Variants in NIPBL observed in about 807,000 individuals in gnomAD.
NIPBL encodes the protein nipped-B-like protein.
Under a neutral mutation model 321.8 loss-of-function variants are expected in NIPBL, and 19 were observed. That is an observed-to-expected ratio of 0.06 (90% CI 0.04 to 0.09). The LOEUF (loss-of-function observed/expected upper bound fraction) is 0.09. NIPBL is among the 10% of genes least tolerant of loss of function. The pLI, the probability that NIPBL is intolerant of heterozygous loss-of-function variation, is 1.00. For synonymous variants in NIPBL, 1,106 were observed against 1,114.1 expected, an observed-to-expected ratio of 0.99 and a Z score of 0.14; for missense variants, 2,210 against 3,327.0, an observed-to-expected ratio of 0.66 and a Z score of 8.26.
Position 36,975,833 on chromosome 5 carries a change from A to T in NIPBL, c.926A>T (p.Asp309Val). ...SQSLPCSSPR[D>V]VPPDILLDSP... ...TCTCTACCTTGTTCATCACCTCGAG[A>T]TGTTCCACCAGATATCTTGCTAGAT... The change falls in exon 9 of 47, where the codon GAT (aspartate) becomes GTT (valine). Residue 309 changes from aspartate (D) to valine (V), a missense_variant. By Grantham distance (152) the Asp-to-Val change is radical. Around this residue, in one of 14 missense-constraint regions of NIPBL, gnomAD observed 464 missense variants for 529.5 expected, o/e 0.88. Coordinates refer to ENST00000282516, the MANE Select transcript of NIPBL (RefSeq NM_133433.4). The T allele has an allele frequency of 6.2e-7, 1 of 1,613,190 alleles. No individual in the cohort carries two copies.
At chr5:36,974,545 A>G (rs766677993) in intron 8 of NIPBL, among the ~76,000 whole-genome samples, 1 of 152,162 alleles carries the variant, frequency 6.6e-6, no homozygotes, top group Non-Finnish European at 1.5e-5. Flanking sequence ...TCCATTTCTG[A>G]AAAATTTTAA....
At chr5:37,010,002 C>T in intron 20 of NIPBL, 85 bp from the exon 21 acceptor site, 1 of 1,034,132 alleles carries the variant, frequency 9.7e-7, no homozygotes. Context: ...TTGGCAAACA[C>T]AGTATCGTGA....
chr5:37,006,272 A>G (rs1413081824), intron 16 of NIPBL, 85 bp from the exon 17 acceptor site: 1 of 788,684 alleles, frequency 1.3e-6, no homozygotes, highest in African/African-American at 1.7e-5. Context: ...CTTTTCCACC[A>G]GTGAAAATCA....
chr5:37,015,112 C>G (rs1748781793), intron 22 of NIPBL, among the ~76,000 whole-genome samples: 1 of 151,750 alleles, frequency 6.6e-6, no homozygotes, highest in African/African-American at 2.4e-5. Flanking sequence ...GTTATTTAGC[C>G]TCCATATGAA....
chr5:37,061,756 A>G (rs1754698823), intron 45 of NIPBL, among the ~76,000 whole-genome samples: 1 of 152,198 alleles, frequency 6.6e-6, no homozygotes, highest in African/African-American at 2.4e-5. Context: ...TCATTTCTAG[A>G]TTACTTATAA....
intron 1 of NIPBL, among the ~76,000 whole-genome samples, chr5:36,945,299 A>G (rs2149587680): frequency 6.6e-6 from 1 of 152,316 alleles, no homozygotes; most frequent in Non-Finnish European, 1.5e-5. Context: ...AATCCATTTA[A>G]CTGTATAACA....
rs957540003 is a variant in NIPBL, at chr5:36,876,878, A to C, written c.-380A>C. ...GGTACCGACTCACCCGACACCACCA[A>C]GCCGCAGGGAGGGACGCCCCCGCCG... On this transcript the variant is annotated 5_prime_UTR_variant, in exon 1 of 47. Coordinates refer to ENST00000282516, the MANE Select transcript of NIPBL (RefSeq NM_133433.4). 1 of 122,788 alleles carries C rather than the reference A, an allele frequency of 8.1e-6. No homozygotes were observed. Among genetic ancestry groups the C allele is most frequent in the African/African-American group, 3.4e-5 (1 of 29,070 alleles). 7.6% of individuals were successfully genotyped at this position (122,788 alleles called of 1,614,324 possible).
chr5:36,928,645 C>A (rs1749545079), intron 1 of NIPBL, among the ~76,000 whole-genome samples: 1 of 152,154 alleles, frequency 6.6e-6, no homozygotes, highest in Non-Finnish European at 1.5e-5. Flanking sequence ...CATCAGTCCC[C>A]AAATTTTCCT....
intron 1 of NIPBL, among the ~76,000 whole-genome samples, chr5:36,945,626 T>G (rs1739584211): frequency 1.3e-5 from 2 of 152,198 alleles, no homozygotes; most frequent in Admixed American, 6.6e-5. Flanking sequence ...AGCAAGTGTC[T>G]GAAGAGAGTT....
chr5:37,033,196 C>T (rs908285027), intron 32 of NIPBL, among the ~76,000 whole-genome samples: 2 of 151,684 alleles, frequency 1.3e-5, no homozygotes, highest in African/African-American at 4.8e-5. Flanking sequence ...GAAAATAATG[C>T]AAAATGGGAA....
intron 6 of NIPBL, among the ~76,000 whole-genome samples, chr5:36,966,160 T>G (rs1216021423): frequency 1.3e-5 from 2 of 152,100 alleles, no homozygotes; most frequent in Non-Finnish European, 2.9e-5. Context: ...TCAAAGCATG[T>G]TCAAATCTAG....
At chr5:36,886,817 T>C (rs1158739833) in intron 1 of NIPBL, among the ~76,000 whole-genome samples, 2 of 151,780 alleles carry the variant, frequency 1.3e-5, no homozygotes, top group African/African-American at 2.4e-5. Flanking sequence ...ATCTGGTTTC[T>C]GTCTCTATAG....
At chr5:36,884,761 G>A (rs944220607) in intron 1 of NIPBL, among the ~76,000 whole-genome samples, 1 of 152,126 alleles carries the variant, frequency 6.6e-6, no homozygotes, top group Non-Finnish European at 1.5e-5. Flanking sequence ...ATTAGTGAAT[G>A]GCAAGTACAT....
chr5:37,014,644 T>C, intron 21 of NIPBL, 39 bp from the exon 22 acceptor site: 1 of 1,217,826 alleles, frequency 8.2e-7, no homozygotes, highest in Middle Eastern at 1.9e-4. Flanking sequence ...TAACTTATTA[T>C]TTCTTGTATC....
intron 1 of NIPBL, among the ~76,000 whole-genome samples, chr5:36,916,807 A>G (rs1261600488): frequency 6.6e-6 from 1 of 152,146 alleles, no homozygotes; most frequent in South Asian, 2.1e-4. Flanking sequence ...AGCTTCATCC[A>G]TGTCCCTACA....
At chr5:36,915,088 T>C (rs1580216939) in intron 1 of NIPBL, among the ~76,000 whole-genome samples, 1 of 152,054 alleles carries the variant, frequency 6.6e-6, no homozygotes, top group Non-Finnish European at 1.5e-5. Flanking sequence ...CATCCTTTTT[T>C]CTTGGGCACT....
intron 11 of NIPBL, among the ~76,000 whole-genome samples, 179 bp downstream of exon 11, chr5:36,995,983 C>G (rs1056199066): frequency 6.6e-6 from 1 of 151,792 alleles, no homozygotes; most frequent in Non-Finnish European, 1.5e-5. Flanking sequence ...TCAGTTGGCA[C>G]CAAGAAAAAA....
chr5:36,945,369 G>A (rs1018571384), intron 1 of NIPBL, among the ~76,000 whole-genome samples: 2 of 152,210 alleles, frequency 1.3e-5, no homozygotes, highest in African/African-American at 2.4e-5. Flanking sequence ...GATGTGTATA[G>A]TTTTGCTTAT....
chr5:36,970,410 A>C (rs1742720576), intron 6 of NIPBL, among the ~76,000 whole-genome samples: 1 of 110,826 alleles, frequency 9.0e-6, no homozygotes, highest in African/African-American at 4.4e-5. Context: ...AGAATTTAAA[A>C]CTATATATAT....
Sources: gnomAD v4.1 joint callset for allele counts (sites outside exome capture counted in the v4.1 genomes callset) on GRCh38, gnomAD v4.1.1 for gene constraint, gnomAD v4.1.1 regional missense constraint, MANE v1.5 for transcripts, NCBI Gene and HGNC (gene_info 2026-07-23, HGNC 2026-07-21) for gene names.